Variants in GNG7 observed in about 807,000 individuals in gnomAD.
The protein encoded by GNG7 is guanine nucleotide-binding protein G(I)/G(S)/G(O) subunit gamma-7.
In GNG7, 1 loss-of-function variant was observed where a neutral mutation model predicts 4.0. The observed-to-expected ratio is 0.25, with a 90% confidence interval of 0.09 to 1.18. The LOEUF is 1.18. Ranked by LOEUF, GNG7 falls within the 50% of genes most tolerant of loss-of-function variation. The pLI is 0.50. For synonymous variants in GNG7, 34 were observed against 36.9 expected, an observed-to-expected ratio of 0.92 and a Z score of 0.29; for missense variants, 86 against 91.9, an observed-to-expected ratio of 0.94 and a Z score of 0.26.
At chr19:2,572,101 A>G (rs547920853) in intron 2 of GNG7, among the ~76,000 whole-genome samples, 3 of 152,086 alleles carry the variant, frequency 2.0e-5, no homozygotes, top group Non-Finnish European at 4.4e-5. Context: ...AGCTCACTGC[A>G]GCCTCCACCT....
At chr19:2,593,253 T>C (rs974369587) in intron 2 of GNG7, among the ~76,000 whole-genome samples, 1 of 152,174 alleles carries the variant, frequency 6.6e-6, no homozygotes, top group African/African-American at 2.4e-5. Context: ...CGGCCTGATG[T>C]TGTTCTTAAT....
chr19:2,567,143 CAAAAAAAAAAA>C (rs200655875), intron 2 of GNG7, among the ~76,000 whole-genome samples: 278 of 130,088 alleles, frequency 2.1e-3, no homozygotes, highest in Middle Eastern at 3.7e-3. Context: ...AAAAAAAAAA[CAAAAAAAAAAA>C]CACAAAAACA....
At chr19:2,659,250 T>C (rs1983079504) in intron 1 of GNG7, among the ~76,000 whole-genome samples, 3 of 149,524 alleles carry the variant, frequency 2.0e-5, no homozygotes, top group Admixed American at 2.0e-4. Flanking sequence ...ATGACAGACG[T>C]GAGCCACTGC....
chr19:2,635,391 G>A (rs1982280293), intron 2 of GNG7, among the ~76,000 whole-genome samples: 1 of 152,212 alleles, frequency 6.6e-6, no homozygotes, highest in Non-Finnish European at 1.5e-5. Flanking sequence ...TCTGTCCCCT[G>A]CTCACATCAG....
intron 3 of GNG7, among the ~76,000 whole-genome samples, chr19:2,548,449 C>G (rs969735901): frequency 6.9e-6 from 1 of 144,428 alleles, no homozygotes; most frequent in African/African-American, 2.6e-5. Context: ...CCATTGCACT[C>G]CAGCCCGGGC....
chr19:2,602,406 C>T (rs8107025), intron 2 of GNG7, among the ~76,000 whole-genome samples: 23,515 of 152,130 alleles, frequency 0.15, 4,030 homozygotes, highest in African/African-American at 0.39. Context: ...CCCTGGCTCC[C>T]CTGTACCCAC....
chr19:2,702,528 C>T (rs2144667548), intron 1 of GNG7, 118 bp downstream of exon 1: 1 of 152,454 alleles, frequency 6.6e-6, no homozygotes, highest in South Asian at 2.1e-4. Flanking sequence ...CAGCCCCCCT[C>T]CTCAGCCGAC....
chr19:2,683,667 G>A (rs1289614533), intron 1 of GNG7: 6 of 152,402 alleles, frequency 3.9e-5, no homozygotes, highest in African/African-American at 4.8e-5. Context: ...GGGAGCTGGA[G>A]CAGGCGGAGA....
At chr19:2,572,221 G>C (rs971854356) in intron 2 of GNG7, among the ~76,000 whole-genome samples, 2 of 151,950 alleles carry the variant, frequency 1.3e-5, no homozygotes, top group African/African-American at 4.8e-5. Flanking sequence ...GTCTTGCTGT[G>C]TTGCCCAGGC....
At position 2,512,160 on chromosome 19, in the gene GNG7, T is replaced by C. The variant is rs908967155; in HGVS notation, c.*2862A>G. 5 of 985,734 alleles carry C rather than the reference T, an allele frequency of 5.1e-6. No individual in the cohort carries two copies. The African/African-American group carries it at 8.7e-5, about 17-fold the overall frequency. The allele number at this position is 985,734 out of a possible 1,614,324, so 61.1% of individuals were successfully genotyped here. On this transcript the variant is annotated 3_prime_UTR_variant, in exon 5 of 5. Transcript: ENST00000382159. The surrounding 1 kb of genome is among the most constrained non-coding windows in gnomAD (Gnocchi z 4.7). ...TGAGAGAGGCTTGTCCCCCCAAGGC[T>C]AGAGCTGCTGCTGCCACCCCCGCCC...
chr19:2,647,505 G>A (rs1982696753), intron 1 of GNG7, among the ~76,000 whole-genome samples: 1 of 152,110 alleles, frequency 6.6e-6, no homozygotes, highest in Non-Finnish European at 1.5e-5. Context: ...GGAGTCCAGG[G>A]TCCTCCCAGC....
At chr19:2,647,380 A>T (rs1185679798) in intron 1 of GNG7, among the ~76,000 whole-genome samples, 1 of 152,140 alleles carries the variant, frequency 6.6e-6, no homozygotes, top group African/African-American at 2.4e-5. Flanking sequence ...AGCTGGGCCT[A>T]GAAGCCGGGC....
chr19:2,632,813 T>C (rs1200038603), intron 2 of GNG7: 7 of 152,198 alleles, frequency 4.6e-5, no homozygotes, highest in Admixed American at 1.3e-4. Context: ...ATAATTCAGA[T>C]CCATGTCCGA....
chr19:2,606,994 G>T (rs1435568591), intron 2 of GNG7, among the ~76,000 whole-genome samples: 1 of 151,978 alleles, frequency 6.6e-6, no homozygotes, highest in Non-Finnish European at 1.5e-5. Flanking sequence ...GCCGAGGCGG[G>T]GGGATCATTT....
In GNG7 at chr19:2,682,655, CAA is replaced by C. The variant is rs745799326; in HGVS notation, c.-135+19989_-135+19990del. Among the ~76,000 whole-genome samples, 628 of 64,252 alleles carry C rather than the reference CAA, an allele frequency of 9.8e-3. 2 individuals carry two copies. Among genetic ancestry groups the C allele is most frequent in the African/African-American group, 0.044 (595 of 13,516 alleles). 42.2% of individuals were successfully genotyped at this position (64,252 alleles called of 152,430 possible). A position where few individuals can be genotyped will look rare whatever the true frequency, so the allele number is the denominator to read the frequency against. On this transcript the variant is annotated intron_variant, in intron 1 of 4. Coordinates refer to ENST00000382159, the MANE Select transcript of GNG7 (RefSeq NM_052847.3). ...TGGGCAACAGGGCGAGACTCCATCT[CAA>C]AAAAAAAAAAAAAAAAAAAAAAAGA...
At position 2,513,417 on chromosome 19, in the gene GNG7, A is replaced by T; in HGVS notation, c.*1605T>A. On this transcript the variant is annotated 3_prime_UTR_variant, in exon 5 of 5. Coordinates refer to ENST00000382159, the MANE Select transcript of GNG7 (RefSeq NM_052847.3). ...ATCAGGGCTGCGTGGGGTCCATCTCAGGTGTGGCCGCAGGTGATGCCGGCA... is the reference window on the plus strand; with the variant it reads ...ATCAGGGCTGCGTGGGGTCCATCTCTGGTGTGGCCGCAGGTGATGCCGGCA... 1 of 784,982 alleles carries T rather than the reference A, an allele frequency of 1.3e-6. No homozygotes were observed. Among genetic ancestry groups the T allele is most frequent in the Non-Finnish European group, 1.5e-6 (1 of 647,154 alleles). 48.6% of individuals were successfully genotyped at this position (784,982 alleles called of 1,614,324 possible). A position where few individuals can be genotyped will look rare whatever the true frequency, so the allele number is the denominator to read the frequency against.
At chr19:2,674,270 C>T (rs1568281476) in intron 1 of GNG7, among the ~76,000 whole-genome samples, 1 of 131,074 alleles carries the variant, frequency 7.6e-6, no homozygotes, top group Non-Finnish European at 1.7e-5. Context: ...ATCTCAAAAA[C>T]AAAACAAACA....
intron 1 of GNG7, among the ~76,000 whole-genome samples, chr19:2,671,739 T>G (rs1208452111): frequency 1.3e-5 from 2 of 152,138 alleles, no homozygotes; most frequent in African/African-American, 2.4e-5. Flanking sequence ...CTGGGAGATG[T>G]TCTATTGTAA....
At chr19:2,693,865 A>AC (rs1260702714) in intron 1 of GNG7, among the ~76,000 whole-genome samples, 10 of 151,038 alleles carry the variant, frequency 6.6e-5, no homozygotes, top group African/African-American at 4.9e-5. Context: ...TCTACCCACA[A>AC]CCCCCCCAAG....
Sources: allele counts gnomAD v4.1 joint callset (sites outside exome capture counted in the v4.1 genomes callset), GRCh38; gene constraint gnomAD v4.1.1; non-coding constraint Gnocchi (gnomAD v3.1); transcripts MANE v1.5; gene names NCBI Gene and HGNC (gene_info 2026-07-23, HGNC 2026-07-21).